PGAP4: variants seen among roughly 807,000 people sequenced by gnomAD.
PGAP4 encodes GPI-N-acetylgalactosamine transferase PGAP4.
PGAP4 carries 12 observed loss-of-function variants against 28.2 expected under a neutral mutation model. The ratio of observed to expected loss-of-function variants is 0.42; its 90% CI spans 0.27 to 0.69. The LOEUF is 0.69. PGAP4 is among the 30% of genes least tolerant of loss of function. PGAP4 has a pLI of 0.22. For synonymous variants in PGAP4, 205 were observed against 211.8 expected, an observed-to-expected ratio of 0.97 and a Z score of 0.28; for missense variants, 425 against 513.5, an observed-to-expected ratio of 0.83 and a Z score of 1.67.
At position 101,473,993 on chromosome 9, in the gene PGAP4, C is replaced by T. The variant is rs1826225479; in HGVS notation, c.*1888G>A. 6.6e-6 allele frequency: 1 copy of T among 152,130 alleles called. No individual in the cohort carries two copies. 9.4% of individuals were successfully genotyped at this position (152,130 alleles called of 1,614,324 possible). A position where few individuals can be genotyped will look rare whatever the true frequency, so the allele number is the denominator to read the frequency against. On this transcript the variant is annotated 3_prime_UTR_variant, in exon 2 of 2. Transcript: ENST00000374848. ...CAACACATACTTATATCTGTTTGCT[C>T]CTCCAAACTAACATGACAATGTGTT...
Position 101,477,126 on chromosome 9 carries a change from A to G in PGAP4, c.-34T>C, listed in dbSNP as rs1313315985. 3 of 1,521,686 alleles carry G rather than the reference A, an allele frequency of 2.0e-6. No homozygotes were observed. The highest frequency in any genetic ancestry group is 1.4e-5 in the African/African-American group (1 of 71,864). The allele number at this position is 1,521,686 out of a possible 1,614,324, so 94.3% of individuals were successfully genotyped here. On this transcript the variant is annotated 5_prime_UTR_variant, in exon 2 of 2. Transcript: ENST00000374848. ...CTTTTGTTCATGTCTGGTCCCAAGA[A>G]AAAACCATCCTGGAACTCAGGCCAG...
rs138436716 is a variant in PGAP4, at chr9:101,482,240, G to A, written c.-78+4709C>T. Among the ~76,000 whole-genome samples the A allele has an allele frequency of 7.3e-3, 1,105 of 152,352 alleles. 23 individuals carry two copies. The highest frequency in any genetic ancestry group is 0.025 in the African/African-American group (1,047 of 41,592). Reference sequence around the variant, plus strand: ...AGGCAGGCGGATCACGAGGTCAGGAGATCGAGACCATCCTGGCAAACATGG... The same window carrying A: ...AGGCAGGCGGATCACGAGGTCAGGAAATCGAGACCATCCTGGCAAACATGG... On this transcript the variant is annotated intron_variant, in intron 1 of 1. Coordinates refer to ENST00000374848, the MANE Select transcript of PGAP4 (RefSeq NM_032342.3).
At chr9:101,531,802 A>C (rs568835867) in intron 1 of PGAP4, among the ~76,000 whole-genome samples, 1 of 152,346 alleles carries the variant, frequency 6.6e-6, no homozygotes, top group South Asian at 2.1e-4. Flanking sequence ...GTAGATCACC[A>C]ATAATGTCCA....
In PGAP4 at chr9:101,476,507, C is replaced by T; in HGVS notation, c.586G>A (p.Glu196Lys). The T allele has an allele frequency of 1.9e-6, 3 of 1,614,154 alleles. No individual in the cohort carries two copies. The highest frequency in any genetic ancestry group is 2.5e-6 in the Non-Finnish European group (3 of 1,180,044). ...KEKQDYVYCLESSLQTYNPDY... is the reference protein window; with the variant it reads ...KEKQDYVYCLKSSLQTYNPDY... ...GGGTTGTAGGTCTGCAGGGATGACT[C>T]CAGGCAATAGACATAGTCCTGCTTC... The change falls in exon 2 of 2, where the codon GAG (glutamate) becomes AAG (lysine). Residue 196 changes from glutamate to lysine, a missense_variant. Coordinates refer to ENST00000374848, the MANE Select transcript of PGAP4 (RefSeq NM_032342.3). This position sits in a 1 kb window ranked among gnomAD's most constrained non-coding sequence, Gnocchi z 7.0.
chr9:101,526,580 G>A (rs1242449439), intron 2 of PGAP4, among the ~76,000 whole-genome samples: 1 of 152,144 alleles, frequency 6.6e-6, no homozygotes, highest in Non-Finnish European at 1.5e-5. Context: ...CTCCCAAGTA[G>A]CTGAGACTAC....
chr9:101,527,860 A>G (rs1189677690), intron 2 of PGAP4, among the ~76,000 whole-genome samples: 1 of 152,234 alleles, frequency 6.6e-6, no homozygotes, highest in East Asian at 1.9e-4. Context: ...GTGTGTATAC[A>G]GCATGACATG....
intron 2 of PGAP4, among the ~76,000 whole-genome samples, chr9:101,518,330 ATGAG>A (rs142109160): frequency 0.013 from 2,004 of 152,142 alleles, 44 homozygotes; most frequent in African/African-American, 0.046. Context: ...ATTTGGTTAC[ATGAG>A]TAAGTTCTTT....
chr9:101,509,120 C>A (rs563140078), intron 2 of PGAP4, among the ~76,000 whole-genome samples: 4 of 152,252 alleles, frequency 2.6e-5, no homozygotes, highest in African/African-American at 9.6e-5. Flanking sequence ...ACAAATGGGT[C>A]GTGTATCCAT....
At chr9:101,526,952 C>G (rs1827040134) in intron 2 of PGAP4, among the ~76,000 whole-genome samples, 1 of 152,224 alleles carries the variant, frequency 6.6e-6, no homozygotes, top group Non-Finnish European at 1.5e-5. Context: ...GAACTTCCTT[C>G]CACCTCTTCC....
At chr9:101,483,584 T>C (rs1422758944) in intron 1 of PGAP4, among the ~76,000 whole-genome samples, 1 of 152,036 alleles carries the variant, frequency 6.6e-6, no homozygotes, top group Non-Finnish European at 1.5e-5. Flanking sequence ...AAAACATGGT[T>C]GGTACCAGAA....
chr9:101,487,533 T>C (rs1029162481), upstream of PGAP4, among the ~76,000 whole-genome samples: 3 of 151,814 alleles, frequency 2.0e-5, no homozygotes, highest in African/African-American at 7.3e-5. Flanking sequence ...GCAAAGCAAA[T>C]AGGAAAAAGA....
At position 101,486,056 on chromosome 9, in the gene PGAP4, C is replaced by G. The variant is rs555785605; in HGVS notation, c.-78+893G>C. Reference sequence around the variant, plus strand: ...GCGGTCCCCCGGAGAGAGCCTGGGCCGAGCAGAGGATGCGGGTCACAACGA... The same window carrying G: ...GCGGTCCCCCGGAGAGAGCCTGGGCGGAGCAGAGGATGCGGGTCACAACGA... On this transcript the variant is annotated intron_variant, in intron 1 of 1. Coordinates refer to ENST00000374848, the MANE Select transcript of PGAP4 (RefSeq NM_032342.3). This position sits in a 1 kb window ranked among gnomAD's most constrained non-coding sequence, Gnocchi z 4.7. Among the ~76,000 whole-genome samples the G allele has an allele frequency of 3.3e-5, 5 of 152,286 alleles. No individual in the cohort carries two copies. The East Asian group carries it at 9.7e-4, about 30-fold the overall frequency.
At chr9:101,529,019 C>G (rs558275745) in intron 2 of PGAP4, among the ~76,000 whole-genome samples, 2 of 152,136 alleles carry the variant, frequency 1.3e-5, no homozygotes, top group East Asian at 3.9e-4. Flanking sequence ...TCACTTAGCT[C>G]CTACTTATAA....
intron 1 of PGAP4, among the ~76,000 whole-genome samples, chr9:101,477,696 T>A (rs536468410): frequency 2.0e-5 from 3 of 152,388 alleles, no homozygotes; most frequent in African/African-American, 7.2e-5. Context: ...GAAGTATCTT[T>A]GTTATTTAAT....
At chr9:101,503,672 A>G (rs1826823275) in intron 2 of PGAP4, among the ~76,000 whole-genome samples, 1 of 151,908 alleles carries the variant, frequency 6.6e-6, no homozygotes, top group African/African-American at 2.4e-5. Context: ...TGGGAGGTGG[A>G]GGTAAGAGAG....
chr9:101,519,307 A>G (rs963470123), intron 2 of PGAP4, among the ~76,000 whole-genome samples: 3 of 151,998 alleles, frequency 2.0e-5, no homozygotes, highest in Non-Finnish European at 4.4e-5. Flanking sequence ...ACAGGTGCAC[A>G]CTGCCATGCC....
chr9:101,533,649 C>T (rs1827134952), upstream of PGAP4: 1 of 152,256 alleles, frequency 6.6e-6, no homozygotes, highest in Non-Finnish European at 1.5e-5. Flanking sequence ...CAGGCATCAG[C>T]GAGGCCCGAG....
At chr9:101,482,579 A>G (rs1826518954) in intron 1 of PGAP4, among the ~76,000 whole-genome samples, 2 of 152,334 alleles carry the variant, frequency 1.3e-5, no homozygotes, top group South Asian at 4.1e-4. Context: ...CTGTAAAACT[A>G]TTCAATGATT....
At chr9:101,488,556 C>T (rs1436112357), upstream of PGAP4, among the ~76,000 whole-genome samples, 4 of 152,106 alleles carry the variant, frequency 2.6e-5, no homozygotes, top group Non-Finnish European at 4.4e-5. Context: ...ATATAAAGTG[C>T]TTAGCATTCT....
Sources: gnomAD v4.1 joint callset for allele counts (sites outside exome capture counted in the v4.1 genomes callset) on GRCh38, gnomAD v4.1.1 for gene constraint, Gnocchi (gnomAD v3.1) non-coding constraint, MANE v1.5 for transcripts, NCBI Gene and HGNC (gene_info 2026-07-23, HGNC 2026-07-21) for gene names.